Variants in MAST2 observed in about 807,000 individuals in gnomAD.
The protein encoded by MAST2 is microtubule-associated serine/threonine-protein kinase 2.
Under a neutral mutation model 147.4 loss-of-function variants are expected in MAST2, and 70 were observed. The observed-to-expected ratio is 0.47, with a 90% CI of 0.39 to 0.58. The LOEUF (loss-of-function observed/expected upper bound fraction) is 0.58. Among genes scored for constraint, MAST2 ranks in the 20% least tolerant of loss-of-function variants. The pLI, the probability that MAST2 is intolerant of heterozygous loss-of-function variation, is 0.00. For synonymous variants in MAST2, 869 were observed against 896.8 expected (o/e 0.97, Z 0.55); for missense variants, 2,080 against 2,302.3 (o/e 0.90, Z 1.98).
intron 10 of MAST2, among the ~76,000 whole-genome samples, chr1:46,016,184 T>G (rs1645931462): frequency 7.5e-6 from 1 of 134,020 alleles, no homozygotes; most frequent in Non-Finnish European, 1.6e-5. Context: ...CTCAAAATAA[T>G]AAGAGCTATC....
intron 4 of MAST2, among the ~76,000 whole-genome samples, chr1:45,899,613 T>C (rs183648966): frequency 6.6e-6 from 1 of 152,234 alleles, no homozygotes; most frequent in East Asian, 1.9e-4. Context: ...TCCAGCTACA[T>C]CCACATTGCT....
At chr1:45,968,681 T>C (rs1466126197) in intron 5 of MAST2, among the ~76,000 whole-genome samples, 2 of 152,082 alleles carry the variant, frequency 1.3e-5, no homozygotes, top group Non-Finnish European at 2.9e-5. Flanking sequence ...GCAGTTTTTT[T>C]CTGAATTTAT....
At chr1:45,894,084 C>T (rs1037549422) in intron 4 of MAST2, among the ~76,000 whole-genome samples, 4 of 151,912 alleles carry the variant, frequency 2.6e-5, no homozygotes, top group African/African-American at 7.3e-5. Flanking sequence ...GACGTGGTAG[C>T]GCACACCTGT....
chr1:45,927,228 G>T (rs1048448705), intron 4 of MAST2, among the ~76,000 whole-genome samples: 1 of 152,214 alleles, frequency 6.6e-6, no homozygotes, highest in Admixed American at 6.5e-5. Flanking sequence ...CCACAGGACC[G>T]AGGCGAAATT....
intron 1 of MAST2, among the ~76,000 whole-genome samples, chr1:45,808,454 C>T (rs1297646453): frequency 6.6e-6 from 1 of 152,172 alleles, no homozygotes; most frequent in Non-Finnish European, 1.5e-5. Flanking sequence ...GGCAATCCAC[C>T]CGCCTTGGCC....
At position 46,035,062 on chromosome 1, in the gene MAST2, C is replaced by T. The variant is rs766266191; in HGVS notation, c.4393C>T (p.Pro1465Ser). 6.2e-7 allele frequency: 1 copy of T among 1,613,794 alleles called. No individual in the cohort carries two copies. The highest frequency in any genetic ancestry group is 2.2e-5 in the East Asian group (1 of 44,876). Residue 1465 changes from proline (P) to serine (S), a missense_variant, in exon 29 of 29, where the codon CCA becomes TCA. Coordinates refer to ENST00000361297, the MANE Select transcript of MAST2 (RefSeq NM_015112.3). This position sits in a 1 kb window ranked among gnomAD's most constrained non-coding sequence, Gnocchi z 5.5. ...TGTGCTGTCTGGCAAGGGGGCCCTG[C>T]CAGGGAAGGGGGTGCTGCAGCCTGC... ...RSVLSGKGAL[P>S]GKGVLQPAPS...
At chr1:45,938,920 T>C (rs1438583005) in intron 4 of MAST2, among the ~76,000 whole-genome samples, 1 of 152,194 alleles carries the variant, frequency 6.6e-6, no homozygotes, top group Admixed American at 6.5e-5. Context: ...TTTTAAATAT[T>C]GAGCCTTGAG....
intron 1 of MAST2, among the ~76,000 whole-genome samples, chr1:45,823,285 G>A (rs1477377176): frequency 6.8e-6 from 1 of 148,070 alleles, no homozygotes; most frequent in Non-Finnish European, 1.5e-5. Flanking sequence ...TATGGTGCCA[G>A]TTACTTGAAG....
intron 4 of MAST2, among the ~76,000 whole-genome samples, chr1:45,886,134 G>A (rs1222394871): frequency 6.6e-6 from 1 of 151,314 alleles, no homozygotes; most frequent in African/African-American, 2.4e-5. Flanking sequence ...ATTTTGTATT[G>A]TCCAGGAATT....
intron 3 of MAST2, among the ~76,000 whole-genome samples, chr1:45,841,865 T>TA (rs1279220516): frequency 6.6e-6 from 1 of 152,216 alleles, no homozygotes; most frequent in Non-Finnish European, 1.5e-5. Context: ...GGTAAATTAT[T>TA]ACATTTGTAG....
intron 5 of MAST2, among the ~76,000 whole-genome samples, chr1:45,967,044 A>G (rs1391453141): frequency 2.0e-5 from 3 of 151,112 alleles, no homozygotes; most frequent in Non-Finnish European, 4.4e-5. Flanking sequence ...GATGGCTCAC[A>G]CTTGTAATCC....
intron 1 of MAST2, among the ~76,000 whole-genome samples, chr1:45,821,515 C>CTTTTTTTTTT (rs59159342): frequency 1.4e-5 from 1 of 70,924 alleles, no homozygotes; most frequent in Non-Finnish European, 2.5e-5. Context: ...GTTATTTCTT[C>CTTTTTTTTTT]TTTTTTTTTT....
chr1:45,926,685 G>T (rs868560795), intron 4 of MAST2, among the ~76,000 whole-genome samples: 1 of 152,164 alleles, frequency 6.6e-6, no homozygotes, highest in African/African-American at 2.4e-5. Flanking sequence ...CAGGGAAAGC[G>T]CATCTTGAGA....
chr1:46,011,692 G>A (rs1030265739), intron 10 of MAST2, among the ~76,000 whole-genome samples: 5 of 152,184 alleles, frequency 3.3e-5, no homozygotes, highest in African/African-American at 9.6e-5. Flanking sequence ...TCCCAGTCCA[G>A]AACCCCTTAT....
chr1:46,017,542 A>T (rs1261725533), intron 10 of MAST2, among the ~76,000 whole-genome samples: 2 of 152,234 alleles, frequency 1.3e-5, no homozygotes, highest in South Asian at 2.1e-4. Flanking sequence ...GAAGACATTT[A>T]TGCAGCCAAA....
At chr1:45,810,857 CTTT>C (rs1221701114) in intron 1 of MAST2, among the ~76,000 whole-genome samples, 3 of 119,968 alleles carry the variant, frequency 2.5e-5, no homozygotes, top group Admixed American at 2.5e-4. Context: ...GCAGTATATT[CTTT>C]TTTTTTTTTT....
At chr1:45,857,850 GTTTTT>G (rs35371770) in intron 3 of MAST2, among the ~76,000 whole-genome samples, 14 of 66,574 alleles carry the variant, frequency 2.1e-4, no homozygotes, top group African/African-American at 7.1e-4. Context: ...AACATGCGGT[GTTTTT>G]TTTTTTTTTT....
chr1:45,927,089 C>T (rs1468074050), intron 4 of MAST2, among the ~76,000 whole-genome samples: 1 of 152,106 alleles, frequency 6.6e-6, no homozygotes, highest in Admixed American at 6.5e-5. Flanking sequence ...CCACAAAAAC[C>T]AGCAAGTTTT....
intron 4 of MAST2, among the ~76,000 whole-genome samples, chr1:45,951,544 C>G (rs561259905): frequency 1.3e-5 from 2 of 152,262 alleles, no homozygotes; most frequent in South Asian, 4.1e-4. Flanking sequence ...GATTGAGCCA[C>G]TGCACTCCAA....
Sources: allele counts gnomAD v4.1 joint callset (sites outside exome capture counted in the v4.1 genomes callset), GRCh38; gene constraint gnomAD v4.1.1; non-coding constraint Gnocchi (gnomAD v3.1); transcripts MANE v1.5; gene names NCBI Gene and HGNC (gene_info 2026-07-23, HGNC 2026-07-21).